The following SGCD variants were observed in gnomAD, a reference collection of about 807,000 sequenced individuals.
SGCD encodes the protein delta-sarcoglycan.
SGCD carries 18 observed loss-of-function variants against 36.6 expected under a neutral mutation model. The ratio of observed to expected loss-of-function variants is 0.49; its 90% CI spans 0.34 to 0.73. SGCD has a LOEUF of 0.73. SGCD is among the 30% of genes least tolerant of loss of function. SGCD has a pLI of 0.01. For synonymous variants in SGCD, 133 were observed against 130.6 expected (o/e 1.02, Z -0.12); for missense variants, 387 against 346.7 (o/e 1.12, Z -0.92).
the SGCD span, among the ~76,000 whole-genome samples, chr5:155,786,139 A>C: frequency 6.6e-6 from 1 of 152,212 alleles, no homozygotes; most frequent in East Asian, 1.9e-4. Context: ...TCAGTGCTCC[A>C]TTTGCAATAA....
chr5:155,986,687 C>G (rs1041115468), intron 1 of SGCD, among the ~76,000 whole-genome samples: 2 of 152,154 alleles, frequency 1.3e-5, no homozygotes, highest in African/African-American at 4.8e-5. Context: ...CATAAATCAC[C>G]TAGAACATGA....
intron 1 of SGCD, among the ~76,000 whole-genome samples, chr5:155,907,724 G>T (rs956186960): frequency 1.3e-5 from 2 of 152,104 alleles, no homozygotes; most frequent in African/African-American, 4.8e-5. Flanking sequence ...CAAGGAAAGT[G>T]GTTCCTTGAA....
chr5:156,241,200 A>C (rs1234403209), intron 3 of SGCD, among the ~76,000 whole-genome samples: 1 of 151,924 alleles, frequency 6.6e-6, no homozygotes, highest in African/African-American at 2.4e-5. Flanking sequence ...TCAGCTGAAC[A>C]ATCCTTATAA....
At chr5:155,987,627 G>T (rs1398048127) in intron 1 of SGCD, among the ~76,000 whole-genome samples, 1 of 152,148 alleles carries the variant, frequency 6.6e-6, no homozygotes, top group African/African-American at 2.4e-5. Flanking sequence ...TCTGGCCTTA[G>T]CTTGGACTTT....
chr5:156,283,458 T>A (rs1328265214), intron 3 of SGCD, among the ~76,000 whole-genome samples: 2 of 152,144 alleles, frequency 1.3e-5, no homozygotes, highest in African/African-American at 2.4e-5. Flanking sequence ...TTTATAGTAT[T>A]TTTTTCCAAA....
intron 6 of SGCD, among the ~76,000 whole-genome samples, chr5:156,611,104 A>T (rs992279401): frequency 6.6e-6 from 1 of 152,222 alleles, no homozygotes; most frequent in Non-Finnish European, 1.5e-5. Flanking sequence ...TCAGTTGGAA[A>T]TGCAGAAATC....
the SGCD span, among the ~76,000 whole-genome samples, chr5:155,803,477 G>T: frequency 9.2e-5 from 14 of 152,240 alleles, no homozygotes; most frequent in African/African-American, 2.9e-4. Context: ...GGAAATAAAT[G>T]CTCTGACTTC....
intron 3 of SGCD, among the ~76,000 whole-genome samples, chr5:156,367,560 G>A (rs1245210280): frequency 6.6e-6 from 1 of 152,208 alleles, no homozygotes; most frequent in African/African-American, 2.4e-5. Context: ...AATCAGTCAT[G>A]TAGTTTTGCA....
chr5:156,757,428 T>C (rs1358552252), intron 7 of SGCD, among the ~76,000 whole-genome samples, 153 bp from the exon 8 acceptor site: 15 of 150,662 alleles, frequency 1.0e-4, no homozygotes, highest in Non-Finnish European at 4.4e-5. Context: ...TTATGCTCCC[T>C]GTCATAAACT....
At chr5:156,367,073 G>A (rs1404660459) in intron 3 of SGCD, among the ~76,000 whole-genome samples, 2 of 152,146 alleles carry the variant, frequency 1.3e-5, no homozygotes, top group Admixed American at 6.5e-5. Context: ...AGAGACTTGT[G>A]CTATAAAATG....
rs577877721 is a variant in SGCD at position 156,156,092 on chromosome 5, T to C, written c.-44+32073T>C. 5.2e-4 allele frequency among the ~76,000 whole-genome samples: 79 copies of C among 151,804 alleles called. 4 individuals carry two copies. The highest frequency in any genetic ancestry group is 1.9e-3 in the African/African-American group (77 of 41,080). Reference sequence around the variant, plus strand: ...CTTTCTAGCTCCTTCCACTTACTTTTAGCTATTCTACTTTCACCAAGTAAG... The same window carrying C: ...CTTTCTAGCTCCTTCCACTTACTTTCAGCTATTCTACTTTCACCAAGTAAG... On this transcript the variant is annotated intron_variant, in intron 3 of 9. Coordinates refer to the SGCD transcript ENST00000517913.
intron 4 of SGCD, among the ~76,000 whole-genome samples, chr5:156,529,165 G>C (rs751367572): frequency 6.6e-6 from 1 of 152,002 alleles, no homozygotes; most frequent in Admixed American, 6.6e-5. Flanking sequence ...GCCAGCTCAC[G>C]TCTGTAATCC....
chr5:156,214,470 A>C (rs553836642), intron 3 of SGCD, among the ~76,000 whole-genome samples: 11 of 152,168 alleles, frequency 7.2e-5, no homozygotes, highest in African/African-American at 2.6e-4. Context: ...AGCCATAAAT[A>C]AATGGAAAGA....
At chr5:156,060,514 T>A (rs1389338269) in intron 1 of SGCD, among the ~76,000 whole-genome samples, 1 of 146,680 alleles carries the variant, frequency 6.8e-6, no homozygotes, top group Admixed American at 6.8e-5. Context: ...CATTTCTTAA[T>A]GAAGTTTTTT....
intron 4 of SGCD, among the ~76,000 whole-genome samples, chr5:156,517,021 C>G (rs1433647751): frequency 1.3e-5 from 2 of 151,970 alleles, no homozygotes; most frequent in Non-Finnish European, 2.9e-5. Flanking sequence ...AAAAACAAAA[C>G]AGGTGGGTAA....
intron 1 of SGCD, among the ~76,000 whole-genome samples, chr5:156,001,660 C>A (rs1380119954): frequency 1.3e-5 from 2 of 152,122 alleles, no homozygotes; most frequent in African/African-American, 4.8e-5. Flanking sequence ...TATTATTTTT[C>A]TATTAGATAA....
rs191271801 is a variant in SGCD at position 156,146,997 on chromosome 5, T to C, written c.-44+22978T>C. ...TCAGAAAGTAAAAACATGAGTCTCA[T>C]ACAAATATATAATGAATGTACGGCA... is the stretch of plus-strand genomic sequence containing the variant. On this transcript the variant is annotated intron_variant, in intron 3 of 9. Transcript: ENST00000517913. Among the ~76,000 whole-genome samples, 6 of 152,284 alleles carry C rather than the reference T, an allele frequency of 3.9e-5. No homozygotes were observed. In the East Asian group the frequency reaches 9.6e-4, roughly 24 times the overall value.
At chr5:156,106,444 G>A (rs1227386519) in intron 1 of SGCD, among the ~76,000 whole-genome samples, 2 of 152,150 alleles carry the variant, frequency 1.3e-5, no homozygotes, top group Admixed American at 1.3e-4. Flanking sequence ...AAGCAGGTGT[G>A]TTTTGTTCTT....
At chr5:156,259,160 T>A (rs188286187) in intron 3 of SGCD, among the ~76,000 whole-genome samples, 1 of 149,972 alleles carries the variant, frequency 6.7e-6, no homozygotes, top group Non-Finnish European at 1.5e-5. Flanking sequence ...ATTTTAACCA[T>A]CCTTGAGGGT....
Sources: gnomAD v4.1 joint callset for allele counts (sites outside exome capture counted in the v4.1 genomes callset) on GRCh38, gnomAD v4.1.1 for gene constraint, MANE v1.5 for transcripts, NCBI Gene and HGNC (gene_info 2026-07-23, HGNC 2026-07-21) for gene names.